Variants in PROM1 observed in about 807,000 individuals in gnomAD.
PROM1 encodes prominin-1.
A neutral mutation model predicts 116.9 loss-of-function variants in PROM1; 105 were observed. The observed-to-expected ratio is 0.90, with a 90% CI of 0.77 to 1.06. The LOEUF is 1.06. Among genes scored for constraint, PROM1 ranks in the 50% least tolerant of loss-of-function variants. The probability of loss-of-function intolerance (pLI) is 0.00; values close to 1 mark genes in which losing one functional copy is unlikely to be tolerated. For synonymous variants in PROM1, 393 were observed against 387.0 expected (o/e 1.02, Z -0.18); for missense variants, 1,122 against 1,045.2 (o/e 1.07, Z -1.01).
intron 2 of PROM1, among the ~76,000 whole-genome samples, chr4:16,052,256 C>A (rs1238678851): frequency 6.6e-6 from 1 of 152,180 alleles, no homozygotes; most frequent in East Asian, 1.9e-4. Context: ...TACATCTCCA[C>A]GTCTCCAGCC....
At chr4:16,005,636 G>T (rs934088690) in intron 13 of PROM1, among the ~76,000 whole-genome samples, 4 of 152,046 alleles carry the variant, frequency 2.6e-5, no homozygotes, top group African/African-American at 9.7e-5. Context: ...ACAGCCCCGT[G>T]CTAGTGACTT....
At chr4:16,003,923 T>C (rs1195059352) in intron 13 of PROM1, among the ~76,000 whole-genome samples, 1 of 152,236 alleles carries the variant, frequency 6.6e-6, no homozygotes, top group East Asian at 1.9e-4. Flanking sequence ...TGCTTGGTTT[T>C]GAAAGAGACC....
At chr4:16,028,931 C>T (rs1236144226) in intron 5 of PROM1, among the ~76,000 whole-genome samples, 1 of 152,170 alleles carries the variant, frequency 6.6e-6, no homozygotes, top group Admixed American at 6.5e-5. Flanking sequence ...TATACACTTA[C>T]AAGCTTTTTA....
In PROM1 at chr4:15,992,228, C is replaced by A. The variant is rs1247385150; in HGVS notation, c.1911+20G>T. ...CTTTAATTTCTCCTAAAGGATCAAGCATGAACACATGCGCCATACCTGAGC... is the reference window on the plus strand; with the variant it reads ...CTTTAATTTCTCCTAAAGGATCAAGAATGAACACATGCGCCATACCTGAGC... On this transcript the variant is annotated intron_variant, in intron 17 of 27. Transcript: ENST00000447510. 8.1e-6 allele frequency: 13 copies of A among 1,612,446 alleles called. No individual in the cohort carries two copies. Among genetic ancestry groups the A allele is most frequent in the Non-Finnish European group, 1.1e-5 (13 of 1,179,492 alleles).
At chr4:16,035,660 C>A in intron 4 of PROM1, 75 bp downstream of exon 4, 1 of 1,387,726 alleles carries the variant, frequency 7.2e-7, no homozygotes, top group Non-Finnish European at 1.0e-6. Flanking sequence ...ATTTAAAAAT[C>A]TTCACAGTGA....
chr4:16,082,892 C>A (rs534712368), intron 1 of PROM1, among the ~76,000 whole-genome samples: 25 of 152,088 alleles, frequency 1.6e-4, no homozygotes, highest in Admixed American at 3.3e-4. Context: ...TCTGTCCACG[C>A]TCCTCTTTGT....
intron 3 of PROM1, 135 bp from the exon 4 acceptor site, chr4:16,035,896 G>C: frequency 1.2e-6 from 1 of 809,400 alleles, no homozygotes; most frequent in Non-Finnish European, 2.1e-6. Context: ...GTGATAGAAG[G>C]ATAAACATGA....
Position 16,033,526 on chromosome 4 carries a change from A to G in PROM1, c.304-17T>C. 6.4e-7 allele frequency: 1 copy of G among 1,561,356 alleles called. No homozygotes were observed. Among genetic ancestry groups the G allele is most frequent in the Non-Finnish European group, 8.7e-7 (1 of 1,145,082 alleles). ...GTAGACAATCTGCAATTCAAACAAA[A>G]GAAACAGCACATATTGTAGCACAAA... On this transcript the variant is annotated splice_polypyrimidine_tract_variant and intron_variant, in intron 4 of 27. Transcript: ENST00000447510.
intron 2 of PROM1, among the ~76,000 whole-genome samples, chr4:16,070,408 C>T (rs1278284320): frequency 1.3e-5 from 2 of 152,110 alleles, no homozygotes; most frequent in African/African-American, 2.4e-5. Flanking sequence ...TATTATGATG[C>T]AATCTCCTGT....
At chr4:15,992,569 A>G (rs1721337855) in intron 16 of PROM1, among the ~76,000 whole-genome samples, 178 bp from the exon 17 acceptor site, 1 of 152,200 alleles carries the variant, frequency 6.6e-6, no homozygotes, top group Non-Finnish European at 1.5e-5. Context: ...CCAGGGCAAC[A>G]TAAAGAGACC....
intron 17 of PROM1, among the ~76,000 whole-genome samples, chr4:15,991,647 C>T (rs1256835922): frequency 2.7e-5 from 4 of 150,018 alleles, no homozygotes; most frequent in Admixed American, 2.7e-4. Context: ...AAAGAGACCA[C>T]AGATGGGCCG....
intron 2 of PROM1, among the ~76,000 whole-genome samples, chr4:16,068,135 T>C (rs2149544177): frequency 6.6e-6 from 1 of 152,246 alleles, no homozygotes; most frequent in African/African-American, 2.4e-5. Flanking sequence ...TGGTCCCTGG[T>C]GGCTCATATG....
intron 2 of PROM1, among the ~76,000 whole-genome samples, chr4:16,042,439 C>A (rs1735540595): frequency 6.6e-6 from 1 of 152,098 alleles, no homozygotes; most frequent in South Asian, 2.1e-4. Flanking sequence ...AAGTGGAAGA[C>A]AAGGAGGTGG....
At chr4:15,980,600 T>G in intron 23 of PROM1, 63 bp from the exon 24 acceptor site, 2 of 851,616 alleles carry the variant, frequency 2.3e-6, no homozygotes, top group Non-Finnish European at 3.4e-6. Flanking sequence ...AACAGTTGTT[T>G]GGGGGATTTT....
At chr4:16,019,625 A>C (rs1729301493) in intron 8 of PROM1, among the ~76,000 whole-genome samples, 1 of 152,280 alleles carries the variant, frequency 6.6e-6, no homozygotes, top group Admixed American at 6.5e-5. Flanking sequence ...GGGAATTACA[A>C]CTTTTTTTCT....
intron 3 of PROM1, among the ~76,000 whole-genome samples, chr4:16,036,641 C>A (rs892760239): frequency 6.6e-6 from 1 of 152,202 alleles, no homozygotes; most frequent in East Asian, 1.9e-4. Flanking sequence ...TGCTACAGCA[C>A]ATGAGTCAGA....
intron 23 of PROM1, 128 bp downstream of exon 23, chr4:15,984,134 CA>C (rs1350829953): frequency 2.5e-6 from 2 of 804,162 alleles, no homozygotes; most frequent in Admixed American, 2.5e-5. Flanking sequence ...ATACACTGAT[CA>C]AAATATTACA....
At chr4:15,992,497 A>T in intron 16 of PROM1, 106 bp from the exon 17 acceptor site, 1 of 1,236,032 alleles carries the variant, frequency 8.1e-7, no homozygotes, top group East Asian at 2.5e-5. Flanking sequence ...TCATGCCTGC[A>T]ATCCTAGCAC....
At position 16,033,430 on chromosome 4, in the gene PROM1, T is replaced by G; in HGVS notation, c.383A>C (p.Tyr128Ser). The change falls in exon 5 of 28, where the codon TAT (tyrosine) becomes TCT (serine). Residue 128 changes from tyrosine to serine, a missense_variant. Physicochemically the swap from Tyr to Ser is moderately radical, Grantham distance 144 (BLOSUM62 -2). Coordinates refer to ENST00000447510, the MANE Select transcript of PROM1 (RefSeq NM_006017.3). ...ACAGCAACGACACATACAAAAGAAATACCCCACCAGAGGCATCAGAATAAT... is the reference window on the plus strand; with the variant it reads ...ACAGCAACGACACATACAAAAGAAAGACCCCACCAGAGGCATCAGAATAAT... ...LFIILMPLVG[Y>S]FFCMCRCCNK... 1 of 1,613,630 alleles carries G rather than the reference T, an allele frequency of 6.2e-7. No individual in the cohort carries two copies. Among genetic ancestry groups the G allele is most frequent in the East Asian group, 2.2e-5 (1 of 44,868 alleles).
Sources: gnomAD v4.1 joint callset for allele counts (sites outside exome capture counted in the v4.1 genomes callset) on GRCh38, gnomAD v4.1.1 for gene constraint, MANE v1.5 for transcripts, NCBI Gene and HGNC (gene_info 2026-07-23, HGNC 2026-07-21) for gene names.